DACH1: variants seen among roughly 807,000 people sequenced by gnomAD.
DACH1 encodes the protein dachshund family transcription factor 1, also known as dachshund homolog 1.
A neutral mutation model predicts 54.2 loss-of-function variants in DACH1; 12 were observed. That is an observed-to-expected ratio of 0.22 (90% CI 0.14 to 0.36). The LOEUF is 0.36. Ranked by LOEUF, DACH1 falls within the 10% of genes least tolerant of loss-of-function variation. The pLI is 1.00. For missense variants in DACH1, 805 were observed against 929.8 expected (o/e 0.87, Z 1.75); for synonymous variants, 386 against 366.2 (o/e 1.05, Z -0.62).
At chr13:71,607,333 T>C (rs1874948962) in intron 3 of DACH1, among the ~76,000 whole-genome samples, 1 of 152,046 alleles carries the variant, frequency 6.6e-6, no homozygotes, top group Non-Finnish European at 1.5e-5. Context: ...TATTGTTTTG[T>C]ATAAAACATT....
intron 3 of DACH1, among the ~76,000 whole-genome samples, chr13:71,612,611 C>G (rs745935614): frequency 6.6e-5 from 10 of 152,142 alleles, no homozygotes; most frequent in Admixed American, 2.6e-4. Flanking sequence ...ACGATCTTCT[C>G]TGGGATTCAA....
intron 1 of DACH1, among the ~76,000 whole-genome samples, chr13:71,770,268 C>A (rs1885799203): frequency 6.6e-6 from 1 of 151,552 alleles, no homozygotes; most frequent in Non-Finnish European, 1.5e-5. Context: ...TTTTTGAATG[C>A]AATGAAATCT....
rs111994718 is a variant in DACH1, at chr13:71,615,603, T to C, written c.1126+14953A>G. On this transcript the variant is annotated intron_variant, in intron 3 of 10. Transcript: ENST00000613252. ...AAGTGTAGCAATGTAATCTGAATCT[T>C]GTAGCATATTTCCTGAGCTTGACAC... is the stretch of plus-strand genomic sequence containing the variant. Among the ~76,000 whole-genome samples the C allele has an allele frequency of 7.9e-3, 1,203 of 152,314 alleles. 20 individuals carry two copies. The highest frequency in any genetic ancestry group is 0.026 in the African/African-American group (1,101 of 41,572).
chr13:71,602,369 C>T (rs1021332202), intron 3 of DACH1, among the ~76,000 whole-genome samples: 2 of 151,708 alleles, frequency 1.3e-5, no homozygotes, highest in African/African-American at 4.8e-5. Flanking sequence ...TACAATAAAC[C>T]ATATCTAATT....
intron 1 of DACH1, among the ~76,000 whole-genome samples, chr13:71,791,572 T>C (rs1886834685): frequency 1.3e-5 from 2 of 152,098 alleles, no homozygotes; most frequent in Non-Finnish European, 2.9e-5. Context: ...TTAGTAGACA[T>C]GGGGTTTCAC....
In DACH1 at chr13:71,848,193, A is replaced by T. The variant is rs118134303; in HGVS notation, c.848+17729T>A. Among the ~76,000 whole-genome samples, 625 of 143,062 alleles carry T rather than the reference A, an allele frequency of 4.4e-3. 1 individual carries two copies. The highest frequency in any genetic ancestry group is 0.01 in the Admixed American group (141 of 13,872). The allele number at this position is 143,062 out of a possible 152,430, so 93.9% of individuals were successfully genotyped here. The stretch of plus-strand genomic sequence containing the variant: ...GAGTTGCATGACAGTTACCATAGAT[A>T]CTGAAGCCATTATCCCCCCCCAAAA... On this transcript the variant is annotated intron_variant, in intron 1 of 10. Coordinates refer to ENST00000613252, the MANE Select transcript of DACH1 (RefSeq NM_080759.6).
chr13:71,675,565 A>AT (rs1220783957), intron 2 of DACH1: 49 of 761,008 alleles, frequency 6.4e-5, no homozygotes, highest in South Asian at 2.4e-4. Flanking sequence ...AACGTTAGAT[A>AT]TTTTTTTTCC....
At chr13:71,637,234 A>T (rs1877555528) in intron 2 of DACH1, among the ~76,000 whole-genome samples, 1 of 152,170 alleles carries the variant, frequency 6.6e-6, no homozygotes, top group African/African-American at 2.4e-5. Flanking sequence ...AAACAGAGGG[A>T]TAACAATTCT....
intron 7 of DACH1, among the ~76,000 whole-genome samples, chr13:71,482,698 C>A (rs1270273064): frequency 2.0e-5 from 3 of 150,866 alleles, no homozygotes; most frequent in Non-Finnish European, 4.4e-5. Flanking sequence ...TCCCTGGTCT[C>A]TTTTCAGGGA....
intron 3 of DACH1, among the ~76,000 whole-genome samples, chr13:71,612,280 A>C (rs1047970302): frequency 6.6e-6 from 1 of 152,110 alleles, no homozygotes; most frequent in Admixed American, 6.6e-5. Flanking sequence ...TAAAGATACC[A>C]ATTCCTTATG....
At chr13:71,461,370 C>G (rs1876059131) in intron 10 of DACH1, among the ~76,000 whole-genome samples, 1 of 151,900 alleles carries the variant, frequency 6.6e-6, no homozygotes, top group Non-Finnish European at 1.5e-5. Flanking sequence ...TTATTTATGA[C>G]TGAACTGCTA....
chr13:71,581,544 G>A (rs920221100), intron 3 of DACH1, among the ~76,000 whole-genome samples: 33 of 152,230 alleles, frequency 2.2e-4, no homozygotes, highest in South Asian at 6.2e-4. Context: ...ATGAGCCACC[G>A]CGCCCAGCCC....
intron 4 of DACH1, among the ~76,000 whole-genome samples, chr13:71,572,412 A>C (rs565254419): frequency 6.6e-6 from 1 of 152,196 alleles, no homozygotes; most frequent in Admixed American, 6.5e-5. Context: ...CATAATCCAC[A>C]CTGGATTATG....
intron 3 of DACH1, among the ~76,000 whole-genome samples, chr13:71,621,166 C>T (rs959530869): frequency 6.6e-6 from 1 of 151,872 alleles, no homozygotes; most frequent in Admixed American, 6.6e-5. Flanking sequence ...CTATTACTCC[C>T]AGCCTACAAA....
At chr13:71,781,516 C>T (rs1424538011) in intron 1 of DACH1, among the ~76,000 whole-genome samples, 1 of 151,774 alleles carries the variant, frequency 6.6e-6, no homozygotes, top group Non-Finnish European at 1.5e-5. Flanking sequence ...GTAGCTGAGA[C>T]TACAGGCACC....
At chr13:71,851,820 A>T (rs916778170) in intron 1 of DACH1, among the ~76,000 whole-genome samples, 1 of 152,242 alleles carries the variant, frequency 6.6e-6, no homozygotes, top group Non-Finnish European at 1.5e-5. Flanking sequence ...ATACAAATTC[A>T]TCTGAAACTT....
At chr13:71,850,593 A>C (rs576922084) in intron 1 of DACH1, among the ~76,000 whole-genome samples, 2 of 152,358 alleles carry the variant, frequency 1.3e-5, no homozygotes, top group Admixed American at 6.5e-5. Flanking sequence ...CACTATTAAA[A>C]GTTTAAAAAC....
chr13:71,832,085 GA>G (rs905366520), intron 1 of DACH1, among the ~76,000 whole-genome samples: 1 of 151,866 alleles, frequency 6.6e-6, no homozygotes, highest in Non-Finnish European at 1.5e-5. Context: ...TATTGTCTTT[GA>G]ACGCATTTCT....
At chr13:71,499,102 C>T (rs993990188) in intron 6 of DACH1, among the ~76,000 whole-genome samples, 6 of 136,188 alleles carry the variant, frequency 4.4e-5, no homozygotes, top group Admixed American at 2.5e-4. Context: ...CACACACATG[C>T]GAGCACGCGC....
Sources: gnomAD v4.1 joint callset for allele counts (sites outside exome capture counted in the v4.1 genomes callset) on GRCh38, gnomAD v4.1.1 for gene constraint, MANE v1.5 for transcripts, NCBI Gene and HGNC (gene_info 2026-07-23, HGNC 2026-07-21) for gene names.